Variants in TMEM218 observed in about 807,000 individuals in gnomAD.
TMEM218 encodes transmembrane protein 218.
A neutral mutation model predicts 10.0 loss-of-function variants in TMEM218; 8 were observed. That is an observed-to-expected ratio of 0.80 (90% confidence interval 0.47 to 1.44). The LOEUF (loss-of-function observed/expected upper bound fraction) is 1.44, where lower values mean the gene tolerates loss of function less well. Ranked by LOEUF, TMEM218 falls within the 40% of genes most tolerant of loss-of-function variation. The pLI is 0.00. For synonymous variants in TMEM218, 66 were observed against 63.5 expected, an observed-to-expected ratio of 1.04 and a Z score of -0.18; for missense variants, 110 against 140.1, an observed-to-expected ratio of 0.79 and a Z score of 1.08.
chr11:125,106,331 GAA>G (rs1952136210), intron 1 of TMEM218, among the ~76,000 whole-genome samples: 1 of 151,826 alleles, frequency 6.6e-6, no homozygotes, highest in South Asian at 2.1e-4. Flanking sequence ...GTAAAGCTCT[GAA>G]AAATATTAAG....
At chr11:125,106,535 A>T (rs1413088390) in intron 1 of TMEM218, among the ~76,000 whole-genome samples, 1 of 152,246 alleles carries the variant, frequency 6.6e-6, no homozygotes, top group Admixed American at 6.5e-5. Flanking sequence ...AAAAAAGAAT[A>T]AACACTTGAG....
At chr11:125,098,716 A>C (rs1446417823) in intron 4 of TMEM218, among the ~76,000 whole-genome samples, 1 of 152,242 alleles carries the variant, frequency 6.6e-6, no homozygotes. Context: ...ATTGCCAATC[A>C]GCTGCCCTTA....
chr11:125,108,622 C>T lies in TMEM218; in HGVS notation c.-153+2917G>A, dbSNP rs1952862272. On this transcript the variant is annotated intron_variant, in intron 1 of 4. Coordinates refer to ENST00000682305, the MANE Select transcript of TMEM218 (RefSeq NM_001258244.2). The surrounding 1 kb of genome is among the most constrained non-coding windows in gnomAD (Gnocchi z 5.3). ...GTGCTGCCTTCAGTTATGTGATTTG[C>T]TAGAGTGATGAACAACTCTTGTTAA... 6.6e-6 allele frequency among the ~76,000 whole-genome samples: 1 copy of T among 152,172 alleles called. No individual in the cohort carries two copies. Among genetic ancestry groups the T allele is most frequent in the South Asian group, 2.1e-4 (1 of 4,830 alleles).
At chr11:125,101,010 G>A (rs1406884721) in intron 4 of TMEM218, among the ~76,000 whole-genome samples, 191 bp downstream of exon 4, 1 of 152,186 alleles carries the variant, frequency 6.6e-6, no homozygotes, top group Non-Finnish European at 1.5e-5. Flanking sequence ...TTCAGAGTAA[G>A]ATTCTTTTCC....
Position 125,102,194 on chromosome 11 carries a change from G to C in TMEM218, c.48C>G (p.Ala16=). 1 of 1,612,718 alleles carries C rather than the reference G, an allele frequency of 6.2e-7. No homozygotes were observed. The highest frequency in any genetic ancestry group is 8.5e-7 in the Non-Finnish European group (1 of 1,179,564). Residue 16 remains alanine (A), a synonymous_variant, in exon 3 of 5, where the codon GCC becomes GCG. Coordinates refer to ENST00000682305, the MANE Select transcript of TMEM218 (RefSeq NM_001258244.2). ...LGVGAGVFIL[A]LLWVAVLLLC... is the part of the protein sequence containing the mutation. ...GCAGCAGCACTGCCACCCAGAGCAG[G>C]GCTAAGATGAACACGCCCGCACCGA...
chr11:125,098,873 T>G (rs7117100), intron 4 of TMEM218, among the ~76,000 whole-genome samples: 80,324 of 151,802 alleles, frequency 0.53, 22,064 homozygotes, highest in East Asian at 0.7. Context: ...TGTCACTGGC[T>G]CTGAAGATGG....
chr11:125,103,931 A>C (rs1198029267), intron 1 of TMEM218: 1 of 152,212 alleles, frequency 6.6e-6, no homozygotes, highest in African/African-American at 2.4e-5. Context: ...AAATACGTTT[A>C]TTGAATCAAC....
chr11:125,096,831 A>G lies in TMEM218; in HGVS notation c.*775T>C, dbSNP rs1381929935. The G allele has an allele frequency of 2.0e-5, 3 of 152,348 alleles. No individual in the cohort carries two copies. The East Asian group carries it at 5.8e-4, about 29-fold the overall frequency. 9.4% of individuals were successfully genotyped at this position (152,348 alleles called of 1,614,324 possible). ...TGGAGAAAGGGCTACAAAGATGAAA[A>G]GTGAAGACACCCCAAAATGGACTCA... On this transcript the variant is annotated 3_prime_UTR_variant, in exon 5 of 5. Coordinates refer to ENST00000682305, the MANE Select transcript of TMEM218 (RefSeq NM_001258244.2).
At chr11:125,109,395 G>C (rs1365607767) in intron 1 of TMEM218, among the ~76,000 whole-genome samples, 1 of 152,128 alleles carries the variant, frequency 6.6e-6, no homozygotes, top group Non-Finnish European at 1.5e-5. Flanking sequence ...GGAAGGAAAG[G>C]GAATGGGGTT....
At chr11:125,102,437 T>TCCCA in intron 2 of TMEM218, 120 bp from the exon 3 acceptor site, 2 of 1,493,036 alleles carry the variant, frequency 1.3e-6, no homozygotes, top group Non-Finnish European at 1.8e-6. Flanking sequence ...AAATGTCCAG[T>TCCCA]CCCAGAGTCC....
chr11:125,107,544 A>G (rs1006759727), intron 1 of TMEM218, among the ~76,000 whole-genome samples: 1 of 152,076 alleles, frequency 6.6e-6, no homozygotes, highest in Admixed American at 6.5e-5. Flanking sequence ...AAAAGATGAT[A>G]TTATTATATT....
chr11:125,108,066 C>T lies in TMEM218; in HGVS notation c.-153+3473G>A, dbSNP rs181580676. 1.4e-3 allele frequency among the ~76,000 whole-genome samples: 212 copies of T among 152,170 alleles called. 3 individuals carry two copies. The highest frequency in any genetic ancestry group is 1.2e-3 in the Admixed American group (19 of 15,292). On this transcript the variant is annotated intron_variant, in intron 1 of 4. Coordinates refer to ENST00000682305, the MANE Select transcript of TMEM218 (RefSeq NM_001258244.2). This position sits in a 1 kb window ranked among gnomAD's most constrained non-coding sequence, Gnocchi z 5.3. ...AACAATTTTTTGTGGAACTTGAAAA[C>T]GGATCCTAAATTCATATGGAAGAGC...
At chr11:125,106,499 T>C (rs1952194338) in intron 1 of TMEM218, among the ~76,000 whole-genome samples, 1 of 152,186 alleles carries the variant, frequency 6.6e-6, no homozygotes, top group African/African-American at 2.4e-5. Context: ...AATATATGTC[T>C]CAGAAACTGA....
intron 4 of TMEM218, among the ~76,000 whole-genome samples, chr11:125,098,319 G>A (rs1000144609): frequency 7.2e-5 from 11 of 152,168 alleles, no homozygotes; most frequent in Non-Finnish European, 5.9e-5. Flanking sequence ...TAAAAGGATA[G>A]GTAACTTGCC....
rs928950119 is a variant in TMEM218, at chr11:125,096,350, C to T, written c.*1256G>A. ...AGTGAAGGAACAGTGTGGCCTTAAC[C>T]TACCTGAAGCTCTCAATCAGAGTTC... is the stretch of plus-strand genomic sequence containing the variant. On this transcript the variant is annotated 3_prime_UTR_variant, in exon 5 of 5. Coordinates refer to ENST00000682305, the MANE Select transcript of TMEM218 (RefSeq NM_001258244.2). Among the ~76,000 whole-genome samples, 2 of 152,136 alleles carry T rather than the reference C, an allele frequency of 1.3e-5. No individual in the cohort carries two copies. The highest frequency in any genetic ancestry group is 4.8e-5 in the African/African-American group (2 of 41,412).
intron 4 of TMEM218, among the ~76,000 whole-genome samples, chr11:125,099,652 G>A (rs1005125743): frequency 3.9e-5 from 6 of 152,136 alleles, no homozygotes; most frequent in Admixed American, 6.5e-5. Context: ...AGCTGGGTGC[G>A]GTGGCTCACG....
Position 125,108,037 on chromosome 11 carries a change from T to C in TMEM218, c.-153+3502A>G, listed in dbSNP as rs866107382. 6.6e-6 allele frequency among the ~76,000 whole-genome samples: 1 copy of C among 152,150 alleles called. No homozygotes were observed. Among genetic ancestry groups the C allele is most frequent in the African/African-American group, 2.4e-5 (1 of 41,442 alleles). ...ATTCAATGCAATCCTAACCAAAGTC[T>C]AAAAACAATTTTTTGTGGAACTTGA... On this transcript the variant is annotated intron_variant, in intron 1 of 4. Transcript: ENST00000682305. This position sits in a 1 kb window ranked among gnomAD's most constrained non-coding sequence, Gnocchi z 5.3.
rs141918679 is a variant in TMEM218 at position 125,096,255 on chromosome 11, G to A, written c.*1351C>T. On this transcript the variant is annotated 3_prime_UTR_variant, in exon 5 of 5. Coordinates refer to ENST00000682305, the MANE Select transcript of TMEM218 (RefSeq NM_001258244.2). ...ACCTGTTCTCTCTTCTTGGAATTTA[G>A]AGCTTAGTTGCCTGTGGGGTGGCAG... is the stretch of plus-strand genomic sequence containing the variant. Among the ~76,000 whole-genome samples the A allele has an allele frequency of 2.0e-3, 309 of 152,288 alleles. 4 individuals are homozygous for A. Among genetic ancestry groups the A allele is most frequent in the Admixed American group, 0.018 (269 of 15,300 alleles).
chr11:125,101,116 G>C, intron 4 of TMEM218, 85 bp downstream of exon 4: 1 of 1,106,288 alleles, frequency 9.0e-7, no homozygotes, highest in Non-Finnish European at 1.3e-6. Context: ...CCCGATGTCA[G>C]GGAACATCAA....
Sources: gnomAD v4.1 joint callset for allele counts (sites outside exome capture counted in the v4.1 genomes callset) on GRCh38, gnomAD v4.1.1 for gene constraint, Gnocchi (gnomAD v3.1) non-coding constraint, MANE v1.5 for transcripts, NCBI Gene and HGNC (gene_info 2026-07-23, HGNC 2026-07-21) for gene names.